The following BLTP2 variants were observed in gnomAD, a reference collection of about 807,000 sequenced individuals.
BLTP2 encodes bridge-like lipid transfer protein family member 2, also known as U937-associated antigen.
At chr17:28,643,752 TTC>T in the BLTP2 span, 1 of 1,254,206 alleles carries the variant, frequency 8.0e-7, no homozygotes, top group Non-Finnish European at 1.2e-6. Flanking sequence ...TTATTAGAAT[TTC>T]TCTTTCATAG....
At chr17:28,615,353 A>G in the BLTP2 span, 1 of 962,910 alleles carries the variant, frequency 1.0e-6, no homozygotes, top group East Asian at 2.6e-5. Flanking sequence ...TCCAAGGCAC[A>G]ATGGGGCAAT....
the BLTP2 span, chr17:28,617,496 T>G: frequency 1.9e-6 from 1 of 524,638 alleles, no homozygotes; most frequent in Admixed American, 3.5e-5. Context: ...TGGGCACTAT[T>G]GTCCAGGACA....
the BLTP2 span, chr17:28,631,748 G>C: frequency 3.1e-6 from 5 of 1,598,728 alleles, no homozygotes; most frequent in Admixed American, 1.7e-5. Flanking sequence ...CAGAGATGGA[G>C]GAGGGGAATG....
chr17:28,633,994 A>G, the BLTP2 span: 5 of 1,614,020 alleles, frequency 3.1e-6, no homozygotes, highest in African/African-American at 1.3e-5. Context: ...CGACGGGAGC[A>G]AGGCTGACCA....
At chr17:28,621,903 C>T in the BLTP2 span, among the ~76,000 whole-genome samples, 70 of 152,140 alleles carry the variant, frequency 4.6e-4, no homozygotes, top group East Asian at 8.7e-3. Flanking sequence ...TTGCCATGGG[C>T]GAAGGGAATT....
At chr17:28,638,744 T>A in the BLTP2 span, 1 of 731,166 alleles carries the variant, frequency 1.4e-6, no homozygotes, top group Admixed American at 2.5e-5. Flanking sequence ...GAATTCAGAG[T>A]TTTATTGTGA....
the BLTP2 span, chr17:28,616,281 C>A: frequency 1.2e-6 from 2 of 1,602,334 alleles, no homozygotes; most frequent in Non-Finnish European, 8.5e-7. The surrounding 1 kb of genome is among the most constrained non-coding windows in gnomAD (Gnocchi z 4.8). Context: ...TCTTTTATCC[C>A]TAGAATGGAC....
chr17:28,637,205 G>C, the BLTP2 span: 1 of 1,555,658 alleles, frequency 6.4e-7, no homozygotes, highest in South Asian at 1.1e-5. Context: ...CTTGGTTCCC[G>C]GCTCTCAAAG....
At chr17:28,628,422 G>A in the BLTP2 span, 3 of 1,614,192 alleles carry the variant, frequency 1.9e-6, no homozygotes, top group East Asian at 6.7e-5. Flanking sequence ...GATTACGTTT[G>A]AGTACAGCTG....
the BLTP2 span, chr17:28,641,810 G>A: frequency 1.6e-6 from 2 of 1,263,126 alleles, no homozygotes; most frequent in Non-Finnish European, 2.2e-6. Context: ...TAAATAAGCA[G>A]TGAGACCACT....
At chr17:28,625,995 C>G in the BLTP2 span, among the ~76,000 whole-genome samples, 1 of 152,178 alleles carries the variant, frequency 6.6e-6, no homozygotes, top group Non-Finnish European at 1.5e-5. Flanking sequence ...AAGCTCCTGA[C>G]CTCGTGATCC....
At chr17:28,644,251 C>T in the BLTP2 span, 1 of 1,568,088 alleles carries the variant, frequency 6.4e-7, no homozygotes, top group Non-Finnish European at 8.7e-7. Flanking sequence ...TCACCCCTTG[C>T]TGGTCTTTCA....
At chr17:28,638,568 C>T in the BLTP2 span, 17 of 1,613,758 alleles carry the variant, frequency 1.1e-5, no homozygotes, top group African/African-American at 2.1e-4. Context: ...TGGTGTATCT[C>T]CAAGTTGAAT....
chr17:28,614,572 T>TTG, the BLTP2 span: 1 of 168,206 alleles, frequency 5.9e-6, no homozygotes, highest in Admixed American at 5.9e-5. Flanking sequence ...CAAGTGAACT[T>TTG]AGCACAGAGA....
the BLTP2 span, chr17:28,632,271 A>G: frequency 6.4e-7 from 1 of 1,564,348 alleles, no homozygotes; most frequent in Non-Finnish European, 8.7e-7. Context: ...TTTCCTAGTT[A>G]TGGATGAAAC....
chr17:28,636,885 A>AG, the BLTP2 span: 1 of 264,718 alleles, frequency 3.8e-6, no homozygotes, highest in Non-Finnish European at 6.3e-6. Flanking sequence ...AAAAGACAAG[A>AG]AAAAAAAAAA....
the BLTP2 span, chr17:28,635,100 A>C: frequency 6.8e-6 from 11 of 1,612,704 alleles, no homozygotes; most frequent in East Asian, 2.5e-4. Context: ...CATACTGATA[A>C]GGAAACTCCA....
chr17:28,625,301 A>C, the BLTP2 span, among the ~76,000 whole-genome samples: 8 of 133,962 alleles, frequency 6.0e-5, no homozygotes, highest in Admixed American at 6.9e-4. Flanking sequence ...GCACCACTGC[A>C]CTCCAGCCTG....
At chr17:28,633,506 C>A in the BLTP2 span, 1 of 1,604,280 alleles carries the variant, frequency 6.2e-7, no homozygotes, top group Non-Finnish European at 8.5e-7. Context: ...CAGACCTCAA[C>A]CATACCATCC....
Sources: allele counts gnomAD v4.1 joint callset (sites outside exome capture counted in the v4.1 genomes callset), GRCh38; gene constraint gnomAD v4.1.1; non-coding constraint Gnocchi (gnomAD v3.1); transcripts MANE v1.5; gene names NCBI Gene and HGNC (gene_info 2026-07-23, HGNC 2026-07-21).